Variants in TDRD5 observed in about 807,000 individuals in gnomAD.
The protein encoded by TDRD5 is tudor domain-containing protein 5.
TDRD5 carries 41 observed loss-of-function variants against 120.6 expected under a neutral mutation model. The observed-to-expected ratio is 0.34, with a 90% CI of 0.26 to 0.44. TDRD5 has a LOEUF of 0.44. Among genes scored for constraint, TDRD5 ranks in the 20% least tolerant of loss-of-function variants. TDRD5 has a pLI of 1.00. For synonymous variants in TDRD5, 430 were observed against 433.7 expected (o/e 0.99, Z 0.11); for missense variants, 1,006 against 1,221.2 (o/e 0.82, Z 2.63).
At chr1:179,630,389 AT>A (rs1407073922) in intron 6 of TDRD5, among the ~76,000 whole-genome samples, 50 of 152,330 alleles carry the variant, frequency 3.3e-4, no homozygotes, top group African/African-American at 1.1e-3. Context: ...ATCGAATATT[AT>A]CTTTATTGGA....
chr1:179,690,875 G>T lies in TDRD5; in HGVS notation c.3040G>T (p.Ala1014Ser), dbSNP rs147162729. The T allele has an allele frequency of 1.7e-5, 27 of 1,613,998 alleles. No individual in the cohort carries two copies. In the African/African-American group the frequency reaches 3.1e-4, roughly 18 times the overall value. The change falls in exon 18 of 18, where the codon GCC becomes TCC. Residue 1014 changes from alanine to serine, a missense_variant. Coordinates refer to ENST00000444136, the MANE Select transcript of TDRD5 (RefSeq NM_001199085.3). ...TACAGCCACTGCTGCCTTAGGTGCT[G>T]CCGCACGGTTAGCTACATCCAGGAG... ...RSTATAALGA[A>S]ARLATSRSLL... is the part of the protein sequence containing the mutation.
chr1:179,690,437 G>A (rs554625349), intron 17 of TDRD5, among the ~76,000 whole-genome samples: 2 of 152,192 alleles, frequency 1.3e-5, no homozygotes, highest in African/African-American at 4.8e-5. Flanking sequence ...GCATCCCTTC[G>A]TTGTTCATGG....
chr1:179,652,008 T>G (rs1678745372), intron 12 of TDRD5, 31 bp from the exon 13 acceptor site: 2 of 1,605,590 alleles, frequency 1.2e-6, no homozygotes, highest in Admixed American at 1.7e-5. Flanking sequence ...TCATGTAAAT[T>G]AAACCATCCC....
intron 17 of TDRD5, among the ~76,000 whole-genome samples, chr1:179,678,674 T>A (rs1680265269): frequency 6.6e-6 from 1 of 152,274 alleles, no homozygotes; most frequent in African/African-American, 2.4e-5. Flanking sequence ...ATTTTTATAC[T>A]GTTGAATAAA....
intron 17 of TDRD5, among the ~76,000 whole-genome samples, chr1:179,686,988 A>C (rs1453512079): frequency 6.6e-6 from 1 of 152,154 alleles, no homozygotes; most frequent in East Asian, 1.9e-4. Context: ...CTTTTCAAAA[A>C]ACCAGCTCCT....
chr1:179,646,954 T>C (rs374649899), intron 11 of TDRD5, among the ~76,000 whole-genome samples: 1 of 149,236 alleles, frequency 6.7e-6, no homozygotes, highest in Non-Finnish European at 1.5e-5. Flanking sequence ...TAAAAGAGGA[T>C]ACAAACAAAT....
intron 3 of TDRD5, among the ~76,000 whole-genome samples, chr1:179,594,533 C>T (rs1461613859): frequency 6.6e-6 from 1 of 152,188 alleles, no homozygotes; most frequent in Non-Finnish European, 1.5e-5. Context: ...GAATTTCTGC[C>T]CAAATGCTGT....
intron 5 of TDRD5, among the ~76,000 whole-genome samples, chr1:179,620,687 T>C (rs1182528980): frequency 6.6e-6 from 1 of 152,192 alleles, no homozygotes; most frequent in Admixed American, 6.5e-5. Flanking sequence ...GCATTTCTTT[T>C]CTAACAATTA....
In TDRD5 at chr1:179,639,772, C is replaced by G. The variant is rs530661909; in HGVS notation, c.1521-67C>G. On this transcript the variant is annotated intron_variant, in intron 9 of 17. Coordinates refer to ENST00000444136, the MANE Select transcript of TDRD5 (RefSeq NM_001199085.3). ...TTTGCCAAGACTTTCTGGCTTGATA[C>G]ATTGATAAAAATTATCTTTAATTTT... 103 of 1,531,848 alleles carry G rather than the reference C, an allele frequency of 6.7e-5. 3 individuals carry two copies. The South Asian group carries it at 1.2e-3, about 18-fold the overall frequency. The allele number at this position is 1,531,848 out of a possible 1,614,324, so 94.9% of individuals were successfully genotyped here.
At chr1:179,686,996 C>T (rs1680757629) in intron 17 of TDRD5, among the ~76,000 whole-genome samples, 1 of 152,102 alleles carries the variant, frequency 6.6e-6, no homozygotes, top group Non-Finnish European at 1.5e-5. Flanking sequence ...AAAACCAGCT[C>T]CTGGATTCAT....
chr1:179,682,374 C>T lies in TDRD5; in HGVS notation c.2861-8322C>T, dbSNP rs187551815. Among the ~76,000 whole-genome samples the T allele has an allele frequency of 5.6e-3, 855 of 152,186 alleles. 5 individuals are homozygous for T. Among genetic ancestry groups the T allele is most frequent in the Non-Finnish European group, 8.0e-3 (542 of 68,008 alleles). On this transcript the variant is annotated intron_variant, in intron 17 of 17. Coordinates refer to ENST00000444136, the MANE Select transcript of TDRD5 (RefSeq NM_001199085.3). ...CCTGTCATCTACATTAGGTATTTGT[C>T]TTAATGCTATCCCTTCCCTTGCCCC...
intron 4 of TDRD5, among the ~76,000 whole-genome samples, chr1:179,613,389 T>C (rs2101951548): frequency 6.6e-6 from 1 of 152,332 alleles, no homozygotes; most frequent in South Asian, 2.1e-4. Flanking sequence ...GTATTTAGTA[T>C]GGCAAATCAA....
chr1:179,604,921 G>A (rs2101928168), intron 4 of TDRD5, among the ~76,000 whole-genome samples: 1 of 152,170 alleles, frequency 6.6e-6, no homozygotes, highest in South Asian at 2.1e-4. Context: ...TAAATCCATT[G>A]TGTCTTTAAC....
chr1:179,615,415 G>A (rs1676514763), intron 4 of TDRD5, among the ~76,000 whole-genome samples: 1 of 152,016 alleles, frequency 6.6e-6, no homozygotes, highest in Non-Finnish European at 1.5e-5. Context: ...CTATTTTATT[G>A]CCTATTCATG....
In TDRD5 at chr1:179,621,002, T is replaced by A. The variant is rs770253129; in HGVS notation, c.916-33T>A. On this transcript the variant is annotated intron_variant, in intron 5 of 17. Transcript: ENST00000444136. ...TATTGTGTCACTCAGCATTTCAGTG[T>A]GTCTATATTGTATTTCACTTTCTAT... is the stretch of plus-strand genomic sequence containing the variant. The A allele has an allele frequency of 3.3e-6, 5 of 1,497,758 alleles. No homozygotes were observed. The Admixed American group carries it at 1.0e-4, about 31-fold the overall frequency. 92.8% of individuals were successfully genotyped at this position (1,497,758 alleles called of 1,614,324 possible).
At chr1:179,690,573 T>C (rs1681090278) in intron 17 of TDRD5, 123 bp from the exon 18 acceptor site, 1 of 1,336,284 alleles carries the variant, frequency 7.5e-7, no homozygotes, top group East Asian at 2.4e-5. Flanking sequence ...TAGCCATTGG[T>C]AATTGTCGCT....
chr1:179,679,484 T>C (rs897199996), intron 17 of TDRD5, among the ~76,000 whole-genome samples: 7 of 152,092 alleles, frequency 4.6e-5, no homozygotes, highest in Non-Finnish European at 8.8e-5. Context: ...AATTCAATAA[T>C]GAGGACCTCT....
At chr1:179,621,673 C>T (rs1676851011) in intron 6 of TDRD5, among the ~76,000 whole-genome samples, 1 of 152,114 alleles carries the variant, frequency 6.6e-6, no homozygotes, top group African/African-American at 2.4e-5. Flanking sequence ...CAACGTGGAT[C>T]ATTTTTAAAA....
intron 4 of TDRD5, among the ~76,000 whole-genome samples, chr1:179,614,850 G>C (rs770500401): frequency 1.1e-4 from 16 of 152,114 alleles, no homozygotes; most frequent in Non-Finnish European, 1.5e-4. Flanking sequence ...AAATCAAGCT[G>C]TTTGACATGT....
Sources: gnomAD v4.1 joint callset for allele counts (sites outside exome capture counted in the v4.1 genomes callset) on GRCh38, gnomAD v4.1.1 for gene constraint, MANE v1.5 for transcripts, NCBI Gene and HGNC (gene_info 2026-07-23, HGNC 2026-07-21) for gene names.